PDCD10: variants seen among roughly 807,000 people sequenced by gnomAD.
PDCD10 encodes the protein programmed cell death protein 10.
Under a neutral mutation model 29.2 loss-of-function variants are expected in PDCD10, and 4 were observed. The observed-to-expected ratio is 0.14, with a 90% CI of 0.07 to 0.31. PDCD10 has a LOEUF of 0.31. PDCD10 is among the 10% of genes least tolerant of loss of function. The pLI, the probability that PDCD10 is intolerant of heterozygous loss-of-function variation, is 1.00. For synonymous variants in PDCD10, 70 were observed against 82.2 expected, an observed-to-expected ratio of 0.85 and a Z score of 0.80; for missense variants, 183 against 257.9, an observed-to-expected ratio of 0.71 and a Z score of 1.99.
chr3:167,712,199 C>G (rs1375075297), intron 3 of PDCD10, among the ~76,000 whole-genome samples: 1 of 151,952 alleles, frequency 6.6e-6, no homozygotes, highest in Non-Finnish European at 1.5e-5. Flanking sequence ...ACTATAACAA[C>G]TTTTCAAGAC....
At chr3:167,695,085 T>C (rs1720664553) in intron 6 of PDCD10, among the ~76,000 whole-genome samples, 1 of 152,204 alleles carries the variant, frequency 6.6e-6, no homozygotes, top group African/African-American at 2.4e-5. Flanking sequence ...TGCTCTAGGA[T>C]GACCCTTCTT....
At chr3:167,727,924 T>C (rs1351991007) in intron 2 of PDCD10, among the ~76,000 whole-genome samples, 1 of 152,244 alleles carries the variant, frequency 6.6e-6, no homozygotes, top group Non-Finnish European at 1.5e-5. Flanking sequence ...GCCTCTGCCT[T>C]ATTTAACATT....
intron 3 of PDCD10, among the ~76,000 whole-genome samples, chr3:167,719,027 A>G (rs1723303555): frequency 1.3e-5 from 2 of 152,108 alleles, no homozygotes; most frequent in African/African-American, 4.8e-5. Flanking sequence ...TTTCATGGCA[A>G]CGAGTGTAAA....
chr3:167,708,211 C>CA (rs1722180602), intron 3 of PDCD10, among the ~76,000 whole-genome samples: 1 of 151,504 alleles, frequency 6.6e-6, no homozygotes, highest in African/African-American at 2.4e-5. Flanking sequence ...TTTGCTCTCT[C>CA]CAAAAGTATC....
intron 6 of PDCD10, chr3:167,694,335 G>A (rs1720571966): frequency 4.8e-6 from 1 of 206,246 alleles, no homozygotes; most frequent in Non-Finnish European, 1.0e-5. Context: ...GATAAGACAT[G>A]GTATGCGATA....
chr3:167,690,126 A>C (rs1720065474), intron 6 of PDCD10, among the ~76,000 whole-genome samples: 1 of 152,236 alleles, frequency 6.6e-6, no homozygotes. Context: ...TTCTGTGATA[A>C]GAGGCAGATA....
At chr3:167,715,745 C>T (rs1453260208) in intron 3 of PDCD10, among the ~76,000 whole-genome samples, 1 of 151,680 alleles carries the variant, frequency 6.6e-6, no homozygotes, top group Non-Finnish European at 1.5e-5. Context: ...GGCTTTTAAC[C>T]AAAAGACAAG....
intron 5 of PDCD10, among the ~76,000 whole-genome samples, 176 bp downstream of exon 5, chr3:167,696,833 A>T (rs1039050229): frequency 6.6e-6 from 1 of 152,170 alleles, no homozygotes; most frequent in African/African-American, 2.4e-5. Context: ...CCATTTTTCT[A>T]TTTTATCTAC....
chr3:167,695,534 A>G (rs1720708142), intron 6 of PDCD10, 62 bp downstream of exon 6: 2 of 1,445,738 alleles, frequency 1.4e-6, no homozygotes, highest in Non-Finnish European at 1.9e-6. Context: ...TAAAAAATGT[A>G]GATGAGTAGT....
intron 2 of PDCD10, among the ~76,000 whole-genome samples, chr3:167,732,544 A>G (rs954676222): frequency 1.4e-5 from 2 of 145,106 alleles, no homozygotes; most frequent in East Asian, 1.9e-4. Flanking sequence ...CTGAAAGATG[A>G]TAACAACAAT....
intron 2 of PDCD10, among the ~76,000 whole-genome samples, chr3:167,733,486 A>G (rs1725030863): frequency 1.3e-5 from 2 of 152,224 alleles, no homozygotes; most frequent in African/African-American, 4.8e-5. Context: ...TGATGCTAAG[A>G]AAAATAAAAA....
At chr3:167,714,592 G>T (rs1722832390) in intron 3 of PDCD10, among the ~76,000 whole-genome samples, 1 of 151,918 alleles carries the variant, frequency 6.6e-6, no homozygotes, top group African/African-American at 2.4e-5. Context: ...ATTAAGTAAA[G>T]TAGCAGAATA....
chr3:167,720,430 T>C (rs1437819154), intron 2 of PDCD10, among the ~76,000 whole-genome samples, 157 bp from the exon 3 acceptor site: 1 of 152,126 alleles, frequency 6.6e-6, no homozygotes, highest in Non-Finnish European at 1.5e-5. Flanking sequence ...GCAAGAAACT[T>C]ACCTTTTCCT....
At position 167,695,529 on chromosome 3, in the gene PDCD10, A is replaced by C. The variant is rs1444647325; in HGVS notation, c.395+67T>G. 5 of 1,432,654 alleles carry C rather than the reference A, an allele frequency of 3.5e-6. No homozygotes were observed. The Admixed American group carries it at 6.8e-5, about 19-fold the overall frequency. The allele number at this position is 1,432,654 out of a possible 1,614,324, so 88.7% of individuals were successfully genotyped here. On this transcript the variant is annotated intron_variant, in intron 6 of 8. Coordinates refer to ENST00000392750, the MANE Select transcript of PDCD10 (RefSeq NM_007217.4). ...CAAGTTAGTCATACCAAAATTAAAAAATGTAGATGAGTAGTTCCTCGGAAG... is the reference window on the plus strand; with the variant it reads ...CAAGTTAGTCATACCAAAATTAAAACATGTAGATGAGTAGTTCCTCGGAAG...
At chr3:167,730,066 C>T (rs1216734759) in intron 2 of PDCD10, among the ~76,000 whole-genome samples, 1 of 152,034 alleles carries the variant, frequency 6.6e-6, no homozygotes, top group African/African-American at 2.4e-5. Context: ...ACACTTAAGA[C>T]ACATTTAAAT....
chr3:167,688,629 T>G (rs1481640487), intron 6 of PDCD10, among the ~76,000 whole-genome samples: 1 of 152,148 alleles, frequency 6.6e-6, no homozygotes, highest in Non-Finnish European at 1.5e-5. Context: ...AATTCTGCAT[T>G]CTCAAATAGT....
At chr3:167,731,933 T>G (rs1448292909) in intron 2 of PDCD10, among the ~76,000 whole-genome samples, 1 of 151,732 alleles carries the variant, frequency 6.6e-6, no homozygotes, top group African/African-American at 2.4e-5. Flanking sequence ...GTCCAAGGAG[T>G]GAGACGGAAT....
In PDCD10 at chr3:167,690,277, T is replaced by C. The variant is rs537899675; in HGVS notation, c.396-2584A>G. Among the ~76,000 whole-genome samples the C allele has an allele frequency of 2.0e-5, 3 of 152,190 alleles. No individual in the cohort carries two copies. The East Asian group carries it at 5.8e-4, about 29-fold the overall frequency. On this transcript the variant is annotated intron_variant, in intron 6 of 8. Coordinates refer to ENST00000392750, the MANE Select transcript of PDCD10 (RefSeq NM_007217.4). ...AAAAAACTGCAATAGAAAAGTAGAGTTTCTAATCATGCCACCCAAATTTGC... is the reference window on the plus strand; with the variant it reads ...AAAAAACTGCAATAGAAAAGTAGAGCTTCTAATCATGCCACCCAAATTTGC...
At chr3:167,713,195 C>T (rs962802513) in intron 3 of PDCD10, among the ~76,000 whole-genome samples, 3 of 151,996 alleles carry the variant, frequency 2.0e-5, no homozygotes, top group African/African-American at 7.2e-5. Context: ...TATGTTAGGT[C>T]ACAATACAAG....
Sources: gnomAD v4.1 joint callset for allele counts (sites outside exome capture counted in the v4.1 genomes callset) on GRCh38, gnomAD v4.1.1 for gene constraint, MANE v1.5 for transcripts, NCBI Gene and HGNC (gene_info 2026-07-23, HGNC 2026-07-21) for gene names.